PTPRD: variants seen among roughly 807,000 people sequenced by gnomAD.
PTPRD encodes receptor-type tyrosine-protein phosphatase delta.
A neutral mutation model predicts 214.5 loss-of-function variants in PTPRD; 34 were observed. The ratio of observed to expected loss-of-function variants is 0.16; its 90% CI spans 0.12 to 0.21. PTPRD has a LOEUF of 0.21. Ranked by LOEUF, PTPRD falls within the 10% of genes least tolerant of loss-of-function variation. The probability of loss-of-function intolerance (pLI) is 1.00; values close to 1 mark genes in which losing one functional copy is unlikely to be tolerated. For synonymous variants in PTPRD, 1,128 were observed against 845.7 expected, an observed-to-expected ratio of 1.33 and a Z score of -5.79; for missense variants, 2,545 against 2,398.7, an observed-to-expected ratio of 1.06 and a Z score of -1.27.
At chr9:8,362,559 T>A (rs1225371484) in intron 39 of PTPRD, among the ~76,000 whole-genome samples, 7 of 152,188 alleles carry the variant, frequency 4.6e-5, no homozygotes, top group Non-Finnish European at 8.8e-5. Context: ...TGGAGTTGGT[T>A]CAGGTTGACA....
intron 16 of PTPRD, 95 bp from the exon 17 acceptor site, chr9:8,526,739 T>G: frequency 1.0e-6 from 1 of 999,298 alleles, no homozygotes; most frequent in East Asian, 2.5e-5. Context: ...TTAAATTAGA[T>G]TTACAGAATT....
At chr9:10,239,776 T>C (rs2099641175) in intron 3 of PTPRD, among the ~76,000 whole-genome samples, 1 of 151,878 alleles carries the variant, frequency 6.6e-6, no homozygotes, top group African/African-American at 2.4e-5. Flanking sequence ...TCTGAAGGCC[T>C]AAGAAGCAGC....
intron 9 of PTPRD, among the ~76,000 whole-genome samples, chr9:9,239,842 C>G (rs967464120): frequency 1.3e-5 from 2 of 152,120 alleles, no homozygotes; most frequent in African/African-American, 4.8e-5. Flanking sequence ...TGCTCTATCC[C>G]TGGTATGTGG....
intron 7 of PTPRD, among the ~76,000 whole-genome samples, chr9:9,672,049 T>C (rs1039644591): frequency 1.3e-3 from 197 of 152,306 alleles, no homozygotes; most frequent in African/African-American, 4.3e-3. Context: ...GCAACCTTTA[T>C]AGTCACTGTA....
chr9:8,530,699 A>G (rs2075461158), intron 14 of PTPRD, among the ~76,000 whole-genome samples: 1 of 152,128 alleles, frequency 6.6e-6, no homozygotes, highest in African/African-American at 2.4e-5. Flanking sequence ...ATATCCTACT[A>G]TGCAGAACTT....
intron 11 of PTPRD, among the ~76,000 whole-genome samples, chr9:8,735,053 C>A (rs927722155): frequency 4.6e-5 from 7 of 151,884 alleles, no homozygotes; most frequent in South Asian, 2.1e-4. Flanking sequence ...CTTCTTAGAA[C>A]AGATGCGTGA....
intron 11 of PTPRD, among the ~76,000 whole-genome samples, chr9:8,758,618 G>A (rs538221695): frequency 2.6e-5 from 4 of 152,136 alleles, no homozygotes; most frequent in African/African-American, 7.2e-5. Context: ...ATACTTTACA[G>A]TTTACAAAAT....
At chr9:9,660,252 G>C (rs762900812) in intron 7 of PTPRD, among the ~76,000 whole-genome samples, 2 of 151,992 alleles carry the variant, frequency 1.3e-5, no homozygotes, top group Non-Finnish European at 2.9e-5. Context: ...AGCCTTTGGA[G>C]GTTGAGAGTG....
intron 3 of PTPRD, among the ~76,000 whole-genome samples, chr9:10,287,887 G>C (rs1291288107): frequency 1.3e-5 from 2 of 151,970 alleles, no homozygotes; most frequent in Non-Finnish European, 2.9e-5. Context: ...GCCAGACAGA[G>C]GGGGTTTTCT....
intron 11 of PTPRD, among the ~76,000 whole-genome samples, chr9:8,997,405 A>T (rs1240351134): frequency 6.6e-6 from 1 of 152,032 alleles, no homozygotes; most frequent in African/African-American, 2.4e-5. Flanking sequence ...CTCTTTCATT[A>T]TTAGCATATC....
At chr9:10,558,010 G>T (rs747574996) in intron 2 of PTPRD, among the ~76,000 whole-genome samples, 2 of 152,012 alleles carry the variant, frequency 1.3e-5, no homozygotes, top group Non-Finnish European at 2.9e-5. Context: ...AATACTACTG[G>T]AACAAATGGC....
chr9:8,331,868 A>AC, intron 43 of PTPRD, 132 bp from the exon 44 acceptor site: 5 of 1,064,334 alleles, frequency 4.7e-6, no homozygotes, highest in Middle Eastern at 3.2e-4. Context: ...GAACATGTTT[A>AC]AATAGAAACT....
intron 3 of PTPRD, among the ~76,000 whole-genome samples, chr9:10,251,119 C>A (rs760006642): frequency 6.6e-6 from 1 of 151,948 alleles, no homozygotes; most frequent in Non-Finnish European, 1.5e-5. Context: ...TTAAAATTAA[C>A]AGAAAAACAA....
rs1201711775 is a variant in PTPRD, at chr9:9,325,983, G to A, written c.-203+71466C>T. The stretch of plus-strand genomic sequence containing the variant: ...TTTTTGTCTTCGGTTCTGTTTATGC[G>A]ATGGACTGTGTTTATTGATGTGTGT... On this transcript the variant is annotated intron_variant, in intron 9 of 45. Coordinates refer to ENST00000381196, the MANE Select transcript of PTPRD (RefSeq NM_002839.4). 2.0e-5 allele frequency among the ~76,000 whole-genome samples: 3 copies of A among 152,004 alleles called. No individual in the cohort carries two copies. The South Asian group carries it at 6.2e-4, about 32-fold the overall frequency.
intron 7 of PTPRD, among the ~76,000 whole-genome samples, chr9:9,692,650 T>TC (rs35988408): frequency 0.61 from 91,890 of 149,986 alleles, 28,442 homozygotes; most frequent in East Asian, 0.65. Flanking sequence ...TTTTTTTTTT[T>TC]CTATTTCTGT....
At chr9:8,520,687 A>T (rs892334714) in intron 20 of PTPRD, among the ~76,000 whole-genome samples, 1 of 152,072 alleles carries the variant, frequency 6.6e-6, no homozygotes, top group South Asian at 2.1e-4. Flanking sequence ...TACTTTGGTT[A>T]TATTTAGTCT....
At chr9:9,200,102 C>T (rs781771808) in intron 9 of PTPRD, among the ~76,000 whole-genome samples, 3 of 152,136 alleles carry the variant, frequency 2.0e-5, no homozygotes, top group African/African-American at 2.4e-5. Flanking sequence ...TGTCTGTTAG[C>T]GAGGAAATAA....
chr9:10,413,870 G>C (rs2098461462), intron 2 of PTPRD, among the ~76,000 whole-genome samples: 1 of 151,848 alleles, frequency 6.6e-6, no homozygotes, highest in African/African-American at 2.4e-5. Flanking sequence ...GGACTCCCTA[G>C]TCAACATATA....
intron 3 of PTPRD, among the ~76,000 whole-genome samples, chr9:10,113,256 A>AC (rs1368511883): frequency 6.6e-6 from 1 of 152,164 alleles, no homozygotes; most frequent in Non-Finnish European, 1.5e-5. Flanking sequence ...CTTCACAACC[A>AC]CCCTATGAAT....
Sources: gnomAD v4.1 joint callset for allele counts (sites outside exome capture counted in the v4.1 genomes callset) on GRCh38, gnomAD v4.1.1 for gene constraint, MANE v1.5 for transcripts, NCBI Gene and HGNC (gene_info 2026-07-23, HGNC 2026-07-21) for gene names.